NPSR1: variants seen among roughly 807,000 people sequenced by gnomAD.
NPSR1 encodes neuropeptide S receptor.
NPSR1 carries 48 observed loss-of-function variants against 46.9 expected under a neutral mutation model. That is an observed-to-expected ratio of 1.02 (90% CI 0.81 to 1.30). The LOEUF is 1.30. Ranked by LOEUF, NPSR1 falls within the 50% of genes most tolerant of loss-of-function variation. NPSR1 has a pLI of 0.00. For missense variants in NPSR1, 450 were observed against 449.5 expected (o/e 1.00, Z -0.01); for synonymous variants, 176 against 168.1 (o/e 1.05, Z -0.36).
At chr7:34,689,570 A>G (rs1384783174) in intron 2 of NPSR1, among the ~76,000 whole-genome samples, 1 of 126,130 alleles carries the variant, frequency 7.9e-6, no homozygotes, top group East Asian at 2.8e-4. Flanking sequence ...GTGCCACTGC[A>G]CTCCAGCCTG....
intron 8 of NPSR1, 21 bp from the exon 9 acceptor site, chr7:34,849,544 C>T (rs1269877008): frequency 6.2e-7 from 1 of 1,613,516 alleles, no homozygotes; most frequent in Admixed American, 1.7e-5. Context: ...TCCCTCCCTG[C>T]TTTATTTTGA....
At chr7:34,727,519 C>A (rs1784217870) in intron 2 of NPSR1, among the ~76,000 whole-genome samples, 1 of 152,080 alleles carries the variant, frequency 6.6e-6, no homozygotes, top group Non-Finnish European at 1.5e-5. Flanking sequence ...AGCTGGACAC[C>A]ACTTTGCTAC....
At chr7:34,717,319 A>T (rs1783629469) in intron 2 of NPSR1, among the ~76,000 whole-genome samples, 1 of 152,152 alleles carries the variant, frequency 6.6e-6, no homozygotes, top group South Asian at 2.1e-4. Flanking sequence ...TTTAATAGAG[A>T]CAGGGTTTCT....
intron 3 of NPSR1, among the ~76,000 whole-genome samples, chr7:34,781,074 C>G (rs971677365): frequency 3.9e-5 from 6 of 152,070 alleles, no homozygotes; most frequent in African/African-American, 1.4e-4. Context: ...CAGGACTATG[C>G]TCATCCTAAG....
chr7:34,669,578 A>AAAAG (rs984223212), intron 1 of NPSR1, among the ~76,000 whole-genome samples: 11 of 152,102 alleles, frequency 7.2e-5, no homozygotes, highest in African/African-American at 2.7e-4. Flanking sequence ...CAAAAAAAAA[A>AAAAG]AAAGAAAGAA....
At chr7:34,740,516 AC>A (rs922900850) in intron 2 of NPSR1, among the ~76,000 whole-genome samples, 1 of 151,868 alleles carries the variant, frequency 6.6e-6, no homozygotes, top group Non-Finnish European at 1.5e-5. Flanking sequence ...CTCCCCAAGG[AC>A]CCCTGTGAGG....
intron 2 of NPSR1, among the ~76,000 whole-genome samples, chr7:34,740,769 G>A (rs1225053965): frequency 2.6e-5 from 4 of 152,270 alleles, no homozygotes; most frequent in Admixed American, 2.0e-4. Flanking sequence ...CCTAGGTCTT[G>A]CAGGAACAAT....
intron 2 of NPSR1, among the ~76,000 whole-genome samples, chr7:34,726,359 C>A (rs1369567623): frequency 6.6e-6 from 1 of 152,186 alleles, no homozygotes; most frequent in Non-Finnish European, 1.5e-5. Context: ...ACTGACAACA[C>A]CAAATGCTGG....
chr7:34,789,661 C>T lies in NPSR1; in HGVS notation c.384+11096C>T, dbSNP rs537434595. ...TACAAAAATTAGCCAGGTGTGGTGGCGGGCCCCTGTAATCCCAACTACTCA... is the reference window on the plus strand; with the variant it reads ...TACAAAAATTAGCCAGGTGTGGTGGTGGGCCCCTGTAATCCCAACTACTCA... On this transcript the variant is annotated intron_variant, in intron 3 of 8. Transcript: ENST00000360581. 9.5e-5 allele frequency among the ~76,000 whole-genome samples: 13 copies of T among 136,242 alleles called. 1 individual carries two copies. The South Asian group carries it at 1.5e-3, about 16-fold the overall frequency. 89.4% of individuals were successfully genotyped at this position (136,242 alleles called of 152,430 possible). A position where few individuals can be genotyped will look rare whatever the true frequency, so the allele number is the denominator to read the frequency against.
chr7:34,703,088 G>C (rs1450549569), intron 2 of NPSR1, among the ~76,000 whole-genome samples: 1 of 152,292 alleles, frequency 6.6e-6, no homozygotes, highest in East Asian at 1.9e-4. Flanking sequence ...GGCCAGGCGC[G>C]GTGGCTCATG....
At chr7:34,725,402 A>C (rs1784093525) in intron 2 of NPSR1, among the ~76,000 whole-genome samples, 1 of 152,138 alleles carries the variant, frequency 6.6e-6, no homozygotes, top group Non-Finnish European at 1.5e-5. Context: ...CTTGACAGCC[A>C]CTCTAGTTGG....
chr7:34,750,889 T>A (rs1041205062), intron 2 of NPSR1: 8 of 713,378 alleles, frequency 1.1e-5, no homozygotes, highest in African/African-American at 5.2e-5. Context: ...AACTGCTTCA[T>A]AATGGTGTGA....
At chr7:34,663,067 C>CTCTCTCTCTCTCTCTCTCTCTCTGTGTG (rs35826710) in intron 1 of NPSR1, among the ~76,000 whole-genome samples, 22 of 99,420 alleles carry the variant, frequency 2.2e-4, no homozygotes, top group African/African-American at 1.1e-3. Flanking sequence ...CTCTCTCTCT[C>CTCTCTCTCTCTCTCTCTCTCTCTGTGTG]TGTGTGTGTG....
chr7:34,693,694 C>T (rs985309135), intron 2 of NPSR1, among the ~76,000 whole-genome samples: 2 of 151,970 alleles, frequency 1.3e-5, no homozygotes, highest in South Asian at 4.1e-4. Context: ...AACAACAATA[C>T]AAAAAAACCC....
At chr7:34,854,906 A>G (rs1275860572), downstream of NPSR1, among the ~76,000 whole-genome samples, 2 of 152,116 alleles carry the variant, frequency 1.3e-5, no homozygotes, top group Admixed American at 6.5e-5. Context: ...ACAAGCTTCA[A>G]CACTTCCACG....
intron 2 of NPSR1, among the ~76,000 whole-genome samples, chr7:34,746,135 A>G (rs1785193519): frequency 6.6e-6 from 1 of 152,222 alleles, no homozygotes; most frequent in African/African-American, 2.4e-5. Context: ...TTCTACCTCA[A>G]TACCAACCTT....
intron 2 of NPSR1, among the ~76,000 whole-genome samples, chr7:34,687,139 C>CA (rs971570355): frequency 6.7e-6 from 1 of 149,688 alleles, no homozygotes; most frequent in Non-Finnish European, 1.5e-5. Context: ...CCACAACTTC[C>CA]AAAAAACAAG....
chr7:34,846,550 T>C (rs1056927794), intron 7 of NPSR1, among the ~76,000 whole-genome samples: 4 of 152,196 alleles, frequency 2.6e-5, no homozygotes, highest in Non-Finnish European at 5.9e-5. Context: ...TTTTAATGTG[T>C]AAAAACATAA....
At chr7:34,658,915 G>A (rs1179951766) in intron 1 of NPSR1, among the ~76,000 whole-genome samples, 2 of 152,190 alleles carry the variant, frequency 1.3e-5, no homozygotes, top group Non-Finnish European at 2.9e-5. Context: ...AGGGGTTAGA[G>A]CTATGAGTTT....
Sources: gnomAD v4.1 joint callset for allele counts (sites outside exome capture counted in the v4.1 genomes callset) on GRCh38, gnomAD v4.1.1 for gene constraint, MANE v1.5 for transcripts, NCBI Gene and HGNC (gene_info 2026-07-23, HGNC 2026-07-21) for gene names.